Variants in TOR1A observed in about 807,000 individuals in gnomAD.
The protein encoded by TOR1A is torsin family 1 member A.
TOR1A carries 18 observed loss-of-function variants against 31.4 expected under a neutral mutation model. The observed-to-expected ratio is 0.57, with a 90% CI of 0.40 to 0.85. The LOEUF (loss-of-function observed/expected upper bound fraction) is 0.85. Among genes scored for constraint, TOR1A ranks in the 40% least tolerant of loss-of-function variants. TOR1A has a pLI of 0.00. For missense variants in TOR1A, 375 were observed against 416.4 expected, an observed-to-expected ratio of 0.90 and a Z score of 0.87; for synonymous variants, 168 against 165.9, an observed-to-expected ratio of 1.01 and a Z score of -0.10.
chr9:129,820,971 T>C (rs2131006166), intron 2 of TOR1A, among the ~76,000 whole-genome samples: 1 of 152,134 alleles, frequency 6.6e-6, no homozygotes, highest in Admixed American at 6.5e-5. Flanking sequence ...AAGGGAAAAA[T>C]GTGTTCACAT....
At position 129,814,386 on chromosome 9, in the gene TOR1A, C is replaced by A. The variant is rs13294595; in HGVS notation, c.749-164G>T. Among the ~76,000 whole-genome samples the A allele has an allele frequency of 0.23, 30,493 of 129,940 alleles. 2,573 individuals are homozygous for A. Among genetic ancestry groups the A allele is most frequent in the Middle Eastern group, 0.27 (69 of 258 alleles). The allele number at this position is 129,940 out of a possible 152,430, so 85.2% of individuals were successfully genotyped here. On this transcript the variant is annotated intron_variant, in intron 4 of 4. Transcript: ENST00000351698. ...ACTGGGGGTCACCCACCCACCCCCC[C>A]CACATCTACTAGGGGTCACCCACCC... is the stretch of plus-strand genomic sequence containing the variant.
chr9:129,821,242 G>A (rs1433298470), intron 2 of TOR1A: 2 of 152,156 alleles, frequency 1.3e-5, no homozygotes, highest in African/African-American at 4.8e-5. Context: ...GGCAGAGTTT[G>A]CGGTGAGCCG....
chr9:129,812,981 G>C lies in TOR1A; in HGVS notation c.*991C>G, dbSNP rs2030927009. 1 of 152,202 alleles carries C rather than the reference G, an allele frequency of 6.6e-6. No homozygotes were observed. The highest frequency in any genetic ancestry group is 1.9e-4 in the East Asian group (1 of 5,198). The allele number at this position is 152,202 out of a possible 1,614,324, so 9.4% of individuals were successfully genotyped here. On this transcript the variant is annotated 3_prime_UTR_variant, in exon 5 of 5. Coordinates refer to ENST00000351698, the MANE Select transcript of TOR1A (RefSeq NM_000113.3). ...TTTTATTGTAAAACGGTAGCCATTT[G>C]CATTTATAAAGAAAGACACCGTTCT...
Position 129,817,262 on chromosome 9 carries a change from G to A in TOR1A, c.748+1258C>T, listed in dbSNP as rs538400716. 2.0e-5 allele frequency among the ~76,000 whole-genome samples: 3 copies of A among 152,298 alleles called. No individual in the cohort carries two copies. In the East Asian group the frequency reaches 5.8e-4, roughly 29 times the overall value. ...CGGTGCCCAGTACAAAATAAGGGCCGAACCGCTATTTGGCTGTTGCTCTTG... is the reference window on the plus strand; with the variant it reads ...CGGTGCCCAGTACAAAATAAGGGCCAAACCGCTATTTGGCTGTTGCTCTTG... On this transcript the variant is annotated intron_variant, in intron 4 of 4. Transcript: ENST00000351698.
chr9:129,818,562 T>C lies in TOR1A; in HGVS notation c.706A>G (p.Ile236Val). 6.2e-7 allele frequency: 1 copy of C among 1,614,234 alleles called. No individual in the cohort carries two copies. The highest frequency in any genetic ancestry group is 8.5e-7 in the Non-Finnish European group (1 of 1,180,046). The change falls in exon 4 of 5, where the codon ATT becomes GTT. Residue 236 changes from isoleucine (I) to valine (V), a missense_variant. Transcript: ENST00000351698. ...KQREDIKLKD[I>V]EHALSVSVFN... is the part of the protein sequence containing the mutation. ...ACCGACACAGACAACGCGTGTTCAA[T>C]GTCTTTGAGCTTGATGTCTTCCCTC... is the stretch of plus-strand genomic sequence containing the variant.
chr9:129,813,885 A>C lies in TOR1A; in HGVS notation c.*87T>G, dbSNP rs1349515359. ...CATTCACTGGATTCCTCTTCCAGGGAAAGGAGCTGGGGGTGGAAGTGTGGA... is the reference window on the plus strand; with the variant it reads ...CATTCACTGGATTCCTCTTCCAGGGCAAGGAGCTGGGGGTGGAAGTGTGGA... On this transcript the variant is annotated 3_prime_UTR_variant, in exon 5 of 5. Coordinates refer to ENST00000351698, the MANE Select transcript of TOR1A (RefSeq NM_000113.3). 1 of 1,546,154 alleles carries C rather than the reference A, an allele frequency of 6.5e-7. No homozygotes were observed. Among genetic ancestry groups the C allele is most frequent in the African/African-American group, 1.4e-5 (1 of 73,688 alleles).
intron 3 of TOR1A, 22 bp from the exon 4 acceptor site, chr9:129,818,669 TAAGGA>T: frequency 6.2e-7 from 1 of 1,614,102 alleles, no homozygotes; most frequent in Admixed American, 1.7e-5. Flanking sequence ...TCCCAGTGGG[TAAGGA>T]CAGGGTTTTC....
intron 4 of TOR1A, 126 bp downstream of exon 4, chr9:129,818,394 G>T: frequency 6.9e-7 from 1 of 1,441,678 alleles, no homozygotes; most frequent in Non-Finnish European, 9.7e-7. Flanking sequence ...ACTCGGAAGG[G>T]GACTGAGAAT....
Position 129,813,571 on chromosome 9 carries a change from CCAA to C in TOR1A, c.*398_*400del. 2 of 304,694 alleles carry C rather than the reference CCAA, an allele frequency of 6.6e-6. No individual in the cohort carries two copies. Among genetic ancestry groups the C allele is most frequent in the Non-Finnish European group, 1.3e-5 (2 of 158,188 alleles). The allele number at this position is 304,694 out of a possible 1,614,324, so 18.9% of individuals were successfully genotyped here. ...CTTAAAAAAAAACACACACACAAGG[CCAA>C]CAACTTAGAATCTGAGCAGTCTCTC... On this transcript the variant is annotated 3_prime_UTR_variant, in exon 5 of 5. Coordinates refer to ENST00000351698, the MANE Select transcript of TOR1A (RefSeq NM_000113.3).
chr9:129,822,024 G>A (rs953391884), intron 2 of TOR1A: 6 of 192,614 alleles, frequency 3.1e-5, no homozygotes, highest in Non-Finnish European at 6.5e-5. Context: ...CCAGCACTTC[G>A]GGAAGCTGAG....
rs1429399710 is a variant in TOR1A at position 129,822,642 on chromosome 9, T to C, written c.383A>G (p.Tyr128Cys). The C allele has an allele frequency of 6.8e-6, 11 of 1,614,090 alleles. No homozygotes were observed. The highest frequency in any genetic ancestry group is 2.2e-5 in the East Asian group (1 of 44,896). ...NIYEGGLNSD[Y>C]VHLFVATLHF... ...CAATGTGGCCACAAACAGGTGGACA[T>C]AGTCACTGTTCAGACCACCCTCGTA... The change falls in exon 2 of 5, where the codon TAT becomes TGT. Residue 128 changes from tyrosine to cysteine, a missense_variant. Physicochemically the swap from Tyr to Cys is radical, Grantham distance 194. Transcript: ENST00000351698.
At chr9:129,815,051 G>A (rs1260290179) in intron 4 of TOR1A, among the ~76,000 whole-genome samples, 1 of 152,194 alleles carries the variant, frequency 6.6e-6, no homozygotes, top group Non-Finnish European at 1.5e-5. Flanking sequence ...TCCTGACCCA[G>A]GACACTTCCT....
chr9:129,823,876 AGCCCCAGCCTCCAGCCCCC>A lies in TOR1A; in HGVS notation c.178+13_178+31del, dbSNP rs1564185370. 2.3e-6 allele frequency: 2 copies of A among 871,780 alleles called. No individual in the cohort carries two copies. The highest frequency in any genetic ancestry group is 2.8e-5 in the Admixed American group (1 of 36,020). 54.0% of individuals were successfully genotyped at this position (871,780 alleles called of 1,614,324 possible). A position where few individuals can be genotyped will look rare whatever the true frequency, so the allele number is the denominator to read the frequency against. ...AGTGCCATCGCCCAGCCCCAGCCCC[AGCCCCAGCCTCCAGCCCCC>A]GCCCCAGCCTACCCTCCCGGCTAAG... is the stretch of plus-strand genomic sequence containing the variant. On this transcript the variant is annotated intron_variant, in intron 1 of 4. Coordinates refer to ENST00000351698, the MANE Select transcript of TOR1A (RefSeq NM_000113.3).
At chr9:129,815,780 C>A (rs2031020893) in intron 4 of TOR1A, among the ~76,000 whole-genome samples, 1 of 152,240 alleles carries the variant, frequency 6.6e-6, no homozygotes, top group Non-Finnish European at 1.5e-5. Flanking sequence ...TGCCACCCTT[C>A]CCATCGCTCA....
At chr9:129,823,871 G>GC in intron 1 of TOR1A, 37 bp downstream of exon 1, 3 of 1,494,272 alleles carry the variant, frequency 2.0e-6, no homozygotes, top group Non-Finnish European at 2.7e-6. Context: ...CCCAGCCCCA[G>GC]CCCCAGCCCC....
intron 2 of TOR1A, among the ~76,000 whole-genome samples, chr9:129,820,430 A>T (rs1290115697): frequency 1.3e-5 from 2 of 152,114 alleles, no homozygotes; most frequent in African/African-American, 4.8e-5. Context: ...TGTTCATAGA[A>T]CATTTTACTG....
chr9:129,816,127 C>G (rs2031031552), intron 4 of TOR1A, among the ~76,000 whole-genome samples: 1 of 152,182 alleles, frequency 6.6e-6, no homozygotes, highest in African/African-American at 2.4e-5. Context: ...TCCCGTTTCC[C>G]TCCTCTGTTT....
Position 129,818,558 on chromosome 9 carries a change from T to C in TOR1A, c.710A>G (p.Glu237Gly), listed in dbSNP as rs1429829766. 5 of 1,614,064 alleles carry C rather than the reference T, an allele frequency of 3.1e-6. No individual in the cohort carries two copies. Among genetic ancestry groups the C allele is most frequent in the Non-Finnish European group, 4.2e-6 (5 of 1,180,038 alleles). Residue 237 changes from glutamate to glycine, a missense_variant, in exon 4 of 5, where the codon GAA (glutamate) becomes GGA (glycine). Transcript: ENST00000351698. ...GAAAACCGACACAGACAACGCGTGT[T>C]CAATGTCTTTGAGCTTGATGTCTTC... ...QREDIKLKDI[E>G]HALSVSVFNN...
chr9:129,818,887 T>G lies in TOR1A; in HGVS notation c.478A>C (p.Ser160Arg). 1 of 1,613,764 alleles carries G rather than the reference T, an allele frequency of 6.2e-7. No homozygotes were observed. The highest frequency in any genetic ancestry group is 8.5e-7 in the Non-Finnish European group (1 of 1,180,028). ...QLQLWIRGNV[S>R]ACARSIFIFD... ...ATGAAGATGGACCTCGCACAGGCAC[T>G]CACGTTGCCTCGAATCCACAACTGT... Residue 160 changes from serine to arginine, a missense_variant, in exon 3 of 5, where the codon AGT becomes CGT. By Grantham distance (110) the Ser-to-Arg change is moderately radical. Coordinates refer to ENST00000351698, the MANE Select transcript of TOR1A (RefSeq NM_000113.3).
Sources: allele counts gnomAD v4.1 joint callset (sites outside exome capture counted in the v4.1 genomes callset), GRCh38; gene constraint gnomAD v4.1.1; transcripts MANE v1.5; gene names NCBI Gene and HGNC (gene_info 2026-07-23, HGNC 2026-07-21).